Variants in MLXIPL observed in about 807,000 individuals in gnomAD.
MLXIPL encodes the protein carbohydrate-responsive element-binding protein.
Under a neutral mutation model 81.5 loss-of-function variants are expected in MLXIPL, and 49 were observed. That is an observed-to-expected ratio of 0.60 (90% confidence interval 0.48 to 0.76). The LOEUF (loss-of-function observed/expected upper bound fraction) is 0.76. MLXIPL is among the 30% of genes least tolerant of loss of function. The pLI is 0.00. For missense variants in MLXIPL, 1,053 were observed against 1,167.0 expected (o/e 0.90, Z 1.42); for synonymous variants, 466 against 485.5 (o/e 0.96, Z 0.53).
chr7:73,639,283 TAAAC>T, the MLXIPL span, among the ~76,000 whole-genome samples: 2 of 152,124 alleles, frequency 1.3e-5, no homozygotes. Flanking sequence ...AAAAATCTAT[TAAAC>T]AAAAAATGTA....
chr7:73,597,308 C>T lies in MLXIPL; in HGVS notation c.1477G>A (p.Gly493Ser). ...CTAGGGGATGGGGCGGGGGGCTTGC[C>T]TCTGGGCATGGAGAAGCAAGGCCCA... ...AFGPCFSMPR[G>S]KPPAPSPRGQ... The change falls in exon 9 of 17, where the codon GGC becomes AGC. Residue 493 changes from glycine (G) to serine (S), a missense_variant. By Grantham distance (56) the Gly-to-Ser change is moderately conservative (BLOSUM62 0). Coordinates refer to ENST00000313375, the MANE Select transcript of MLXIPL (RefSeq NM_032951.3). 1 of 1,565,280 alleles carries T rather than the reference C, an allele frequency of 6.4e-7. No individual in the cohort carries two copies. The highest frequency in any genetic ancestry group is 1.2e-5 in the South Asian group (1 of 84,442).
At position 73,597,595 on chromosome 7, in the gene MLXIPL, T is replaced by G; in HGVS notation, c.1190A>C (p.His397Pro). The G allele has an allele frequency of 8.7e-6, 7 of 806,610 alleles. No homozygotes were observed. Among genetic ancestry groups the G allele is most frequent in the Non-Finnish European group, 1.0e-5 (7 of 685,356 alleles). The allele number at this position is 806,610 out of a possible 1,614,324, so 50.0% of individuals were successfully genotyped here. ...TGGCACCTTGGCAGGGGGAGGGTAA[T>G]GCAGCAGAGGTGGGGGTACAGGAGG... ...PPPPVPPPLL[H>P]YPPPAKVPGL... The change falls in exon 9 of 17, where the codon CAT becomes CCT. Residue 397 changes from histidine to proline, a missense_variant. His to Pro is a moderately conservative substitution (Grantham distance 77, BLOSUM62 -2). Transcript: ENST00000313375.
At chr7:73,599,877 G>A (rs1554595538) in intron 7 of MLXIPL, among the ~76,000 whole-genome samples, 182 bp from the exon 8 acceptor site, 1 of 152,154 alleles carries the variant, frequency 6.6e-6, no homozygotes, top group Admixed American at 6.5e-5. Flanking sequence ...TCGATTAGGG[G>A]AAGCAGCAAC....
chr7:73,637,566 C>A, the MLXIPL span, among the ~76,000 whole-genome samples: 1 of 152,142 alleles, frequency 6.6e-6, no homozygotes, highest in African/African-American at 2.4e-5. Flanking sequence ...ATGTCCTTTG[C>A]CAATGTGGCT....
the MLXIPL span, among the ~76,000 whole-genome samples, chr7:73,637,273 T>C: frequency 6.6e-6 from 1 of 150,410 alleles, no homozygotes; most frequent in South Asian, 2.1e-4. Context: ...AGGTCAGGAG[T>C]TCCAGACCAG....
Position 73,596,437 on chromosome 7 carries a change from C to A in MLXIPL, c.1865G>T (p.Gly622Val). 6.2e-7 allele frequency: 1 copy of A among 1,612,836 alleles called. No individual in the cohort carries two copies. Among genetic ancestry groups the A allele is most frequent in the South Asian group, 1.1e-5 (1 of 91,072 alleles). ...RLSGDLSSMP[G>V]PGTLSVRVSP... ...GACACGGACGCTCAGAGTCCCAGGG[C>A]CTGGCATGGAGCTGAGGTCCCCTGA... Residue 622 changes from glycine to valine, a missense_variant, in exon 12 of 17, where the codon GGC becomes GTC. Around this residue, in one of 3 missense-constraint regions of MLXIPL, gnomAD observed 823 missense variants for 933.0 expected, o/e 0.88. Transcript: ENST00000313375. The surrounding 1 kb of genome is among the most constrained non-coding windows in gnomAD (Gnocchi z 4.7).
At position 73,623,531 on chromosome 7, in the gene MLXIPL, C is replaced by T. The variant is rs1796521018; in HGVS notation, c.293+669G>A. Among the ~76,000 whole-genome samples the T allele has an allele frequency of 6.6e-6, 1 of 152,108 alleles. No homozygotes were observed. The highest frequency in any genetic ancestry group is 2.4e-5 in the African/African-American group (1 of 41,418). On this transcript the variant is annotated intron_variant, in intron 1 of 16. Transcript: ENST00000313375. This position sits in a 1 kb window ranked among gnomAD's most constrained non-coding sequence, Gnocchi z 5.7. ...AGTGTGGCGACGTGGGTAGGCGAACCCAGGCCTCCCGGGCACCGGCGTAAC... is the reference window on the plus strand; with the variant it reads ...AGTGTGGCGACGTGGGTAGGCGAACTCAGGCCTCCCGGGCACCGGCGTAAC...
chr7:73,624,515 T>C lies in MLXIPL; in HGVS notation c.-23A>G. 2.0e-6 allele frequency: 3 copies of C among 1,522,052 alleles called. No individual in the cohort carries two copies. The highest frequency in any genetic ancestry group is 2.6e-6 in the Non-Finnish European group (3 of 1,141,846). The allele number at this position is 1,522,052 out of a possible 1,614,324, so 94.3% of individuals were successfully genotyped here. On this transcript the variant is annotated 5_prime_UTR_variant, in exon 1 of 17. Transcript: ENST00000313375. ...CATGGCTGTCGCCGCCGCAACCGCC[T>C]GGTCCCTGCTCCGCGCAGCGCGGGG...
intron 7 of MLXIPL, among the ~76,000 whole-genome samples, chr7:73,603,060 G>A (rs1465190704): frequency 1.3e-5 from 2 of 152,090 alleles, no homozygotes; most frequent in Non-Finnish European, 2.9e-5. Context: ...TCCCCTCCCT[G>A]AGCTCCTCTG....
In MLXIPL at chr7:73,597,318, G is replaced by A. The variant is rs563363573; in HGVS notation, c.1467C>T (p.Ser489=). 6.4e-7 allele frequency: 1 copy of A among 1,560,936 alleles called. No individual in the cohort carries two copies. Among genetic ancestry groups the A allele is most frequent in the Non-Finnish European group, 8.7e-7 (1 of 1,153,632 alleles). ...GGGCGGGGGGCTTGCCTCTGGGCATGGAGAAGCAAGGCCCAAAGGCAGGCT... is the reference window on the plus strand; with the variant it reads ...GGGCGGGGGGCTTGCCTCTGGGCATAGAGAAGCAAGGCCCAAAGGCAGGCT... ...YSEPAFGPCF[S]MPRGKPPAPS... Residue 489 remains serine, a synonymous_variant, in exon 9 of 17, where the codon TCC becomes TCT. Transcript: ENST00000313375.
At chr7:73,614,659 G>A (rs1795894616) in intron 2 of MLXIPL, among the ~76,000 whole-genome samples, 1 of 152,310 alleles carries the variant, frequency 6.6e-6, no homozygotes, top group South Asian at 2.1e-4. Flanking sequence ...CTGCCATGGG[G>A]AGTGGGGTGT....
At chr7:73,618,328 C>T (rs1311535501) in intron 1 of MLXIPL, among the ~76,000 whole-genome samples, 4 of 152,204 alleles carry the variant, frequency 2.6e-5, no homozygotes, top group Non-Finnish European at 5.9e-5. Flanking sequence ...AACTCCTGAC[C>T]TCAAGTGATC....
chr7:73,643,552 A>G, the MLXIPL span, among the ~76,000 whole-genome samples: 7 of 151,430 alleles, frequency 4.6e-5, no homozygotes, highest in African/African-American at 1.5e-4. Context: ...ACAGTCATCC[A>G]GGTTACACAG....
At chr7:73,603,403 G>A (rs1554596968) in intron 7 of MLXIPL, among the ~76,000 whole-genome samples, 2 of 152,282 alleles carry the variant, frequency 1.3e-5, no homozygotes, top group South Asian at 2.1e-4. Flanking sequence ...ACCTGTGGCC[G>A]GGCGCTGTGT....
Position 73,595,724 on chromosome 7 carries a change from G to T in MLXIPL, c.2223C>A (p.Pro741=), listed in dbSNP as rs1213699456. The change falls in exon 15 of 17, where the codon CCC becomes CCA. Residue 741 remains proline, a synonymous_variant. Coordinates refer to ENST00000313375, the MANE Select transcript of MLXIPL (RefSeq NM_032951.3). The stretch of plus-strand genomic sequence containing the variant: ...TCTGGTCAAAACGCTGGTGTGTGAT[G>T]GGTACCCCTGTGGCGGGCAGCTGCT... ...CQQQLPATGV[P]ITHQRFDQMR... 9 of 1,612,636 alleles carry T rather than the reference G, an allele frequency of 5.6e-6. No homozygotes were observed. Among genetic ancestry groups the T allele is most frequent in the Middle Eastern group, 1.6e-4 (1 of 6,084 alleles).
chr7:73,624,974 T>C (rs1796650628), upstream of MLXIPL, among the ~76,000 whole-genome samples: 2 of 152,036 alleles, frequency 1.3e-5, no homozygotes, highest in South Asian at 2.1e-4. Context: ...GGTGGGAGGA[T>C]TCCTTGAGCC....
intron 1 of MLXIPL, among the ~76,000 whole-genome samples, chr7:73,619,535 G>A (rs1796203905): frequency 6.6e-6 from 1 of 151,588 alleles, no homozygotes; most frequent in African/African-American, 2.4e-5. Flanking sequence ...AGGCTGCAGT[G>A]GGAAGATCGC....
chr7:73,619,417 T>G (rs1554601489), intron 1 of MLXIPL, among the ~76,000 whole-genome samples: 1 of 144,526 alleles, frequency 6.9e-6, no homozygotes, highest in Non-Finnish European at 1.5e-5. Context: ...GCCGAGATTG[T>G]GCCACTGCAC....
At chr7:73,633,777 C>G in the MLXIPL span, among the ~76,000 whole-genome samples, 12 of 152,036 alleles carry the variant, frequency 7.9e-5, no homozygotes. Flanking sequence ...TTTGATGGTG[C>G]CCTAAACAGC....
Sources: gnomAD v4.1 joint callset for allele counts (sites outside exome capture counted in the v4.1 genomes callset) on GRCh38, gnomAD v4.1.1 for gene constraint, gnomAD v4.1.1 regional missense constraint, Gnocchi (gnomAD v3.1) non-coding constraint, MANE v1.5 for transcripts, NCBI Gene and HGNC (gene_info 2026-07-23, HGNC 2026-07-21) for gene names.